The following HTR7 variants were observed in gnomAD, a reference collection of about 807,000 sequenced individuals.
HTR7 encodes the protein 5-hydroxytryptamine receptor 7, also known as 5-HT-7.
Under a neutral mutation model 34.0 loss-of-function variants are expected in HTR7, and 16 were observed. That is an observed-to-expected ratio of 0.47 (90% CI 0.32 to 0.71). The LOEUF (loss-of-function observed/expected upper bound fraction) is 0.71, where lower values mean the gene tolerates loss of function less well. Among genes scored for constraint, HTR7 ranks in the 30% least tolerant of loss-of-function variants. HTR7 has a pLI of 0.04. For synonymous variants in HTR7, 265 were observed against 260.2 expected, an observed-to-expected ratio of 1.02 and a Z score of -0.18; for missense variants, 504 against 625.5, an observed-to-expected ratio of 0.81 and a Z score of 2.07.
chr10:90,791,447 C>A (rs1157081232), intron 1 of HTR7, among the ~76,000 whole-genome samples: 1 of 151,882 alleles, frequency 6.6e-6, no homozygotes. Flanking sequence ...GAACAGAATT[C>A]AACAAGAGGA....
At chr10:90,803,004 T>TC (rs1845653213) in intron 1 of HTR7, among the ~76,000 whole-genome samples, 2 of 148,884 alleles carry the variant, frequency 1.3e-5, no homozygotes, top group Non-Finnish European at 3.0e-5. Context: ...GCCTTTTTTT[T>TC]TTTTTTTTTT....
At chr10:90,827,553 T>G (rs1846097118) in intron 1 of HTR7, among the ~76,000 whole-genome samples, 1 of 151,036 alleles carries the variant, frequency 6.6e-6, no homozygotes, top group Non-Finnish European at 1.5e-5. Flanking sequence ...TCTAAGCAAG[T>G]GAAAACCAAA....
At chr10:90,761,256 T>C (rs1844929457) in intron 1 of HTR7, among the ~76,000 whole-genome samples, 1 of 152,182 alleles carries the variant, frequency 6.6e-6, no homozygotes, top group Admixed American at 6.5e-5. Context: ...TTTTTTATAA[T>C]TGAATTTTCA....
intron 1 of HTR7, among the ~76,000 whole-genome samples, chr10:90,808,590 C>T (rs1237268367): frequency 6.6e-6 from 1 of 152,094 alleles, no homozygotes; most frequent in Non-Finnish European, 1.5e-5. Context: ...ATGCCCCGAC[C>T]TTGTATCTCT....
chr10:90,746,630 G>C (rs565430543), intron 2 of HTR7, among the ~76,000 whole-genome samples: 118 of 152,300 alleles, frequency 7.7e-4, no homozygotes, highest in Non-Finnish European at 1.4e-3. Flanking sequence ...CTAGGAAATA[G>C]TCACTTTCAG....
intron 1 of HTR7, among the ~76,000 whole-genome samples, chr10:90,806,717 T>C (rs756743668): frequency 2.2e-4 from 34 of 152,176 alleles, no homozygotes; most frequent in Non-Finnish European, 5.9e-5. Context: ...GTTCACAAGA[T>C]ACATGAGGAA....
intron 1 of HTR7, among the ~76,000 whole-genome samples, chr10:90,809,749 T>G (rs958492659): frequency 1.3e-5 from 2 of 152,186 alleles, no homozygotes; most frequent in African/African-American, 4.8e-5. Context: ...CAGCCCAGGA[T>G]TCCTCCTAAG....
chr10:90,808,992 A>G (rs1279027405), intron 1 of HTR7, among the ~76,000 whole-genome samples: 1 of 151,996 alleles, frequency 6.6e-6, no homozygotes, highest in African/African-American at 2.4e-5. Context: ...CTCTGTTCCC[A>G]ATGCAACTCG....
intron 3 of HTR7, 124 bp from the exon 4 acceptor site, chr10:90,742,652 A>C: frequency 1.6e-6 from 1 of 609,350 alleles, no homozygotes; most frequent in East Asian, 2.8e-5. Context: ...GTGGCTTTTA[A>C]GGGATTATGA....
intron 1 of HTR7, among the ~76,000 whole-genome samples, chr10:90,821,127 C>T (rs11186321): frequency 2.0e-5 from 2 of 101,896 alleles, no homozygotes; most frequent in African/African-American, 1.3e-4. Context: ...CAAACACACA[C>T]ACACATGCAC....
Position 90,857,573 on chromosome 10 carries a change from G to A in HTR7, c.99C>T (p.Pro33=). The change falls in exon 1 of 4, where the codon CCC becomes CCT. Residue 33 remains proline (P), a synonymous_variant. Transcript: ENST00000336152. The surrounding 1 kb of genome is among the most constrained non-coding windows in gnomAD (Gnocchi z 6.5). The part of the protein sequence containing the change: ...EVGRGLPDLS[P]DGGADPVAGS... The stretch of plus-strand genomic sequence containing the variant: ...CCGCGACCGGGTCGGCGCCACCGTC[G>A]GGGCTCAAGTCGGGCAGCCCGCGCC... The A allele has an allele frequency of 6.3e-7, 1 of 1,595,432 alleles. No homozygotes were observed. Among genetic ancestry groups the A allele is most frequent in the Non-Finnish European group, 8.5e-7 (1 of 1,172,632 alleles).
chr10:90,847,118 C>T lies in HTR7; in HGVS notation c.539+10015G>A, dbSNP rs115438355. Among the ~76,000 whole-genome samples the T allele has an allele frequency of 8.0e-3, 1,224 of 152,260 alleles. 25 individuals carry two copies. The highest frequency in any genetic ancestry group is 0.028 in the African/African-American group (1,162 of 41,544). ...ACAATATTTGAACAAGCTTTGAACA[C>T]AAGTTCCATCCATACAAACTGTATG... On this transcript the variant is annotated intron_variant, in intron 1 of 3. Coordinates refer to ENST00000336152, the MANE Select transcript of HTR7 (RefSeq NM_019859.4).
At chr10:90,817,031 C>T (rs1446949385) in intron 1 of HTR7, among the ~76,000 whole-genome samples, 1 of 152,176 alleles carries the variant, frequency 6.6e-6, no homozygotes, top group East Asian at 1.9e-4. Flanking sequence ...AGGGCCCCAC[C>T]AAGGGACAGG....
rs1845640825 is a variant in HTR7 at position 90,802,371 on chromosome 10, G to T, written c.540-52777C>A. ...GACTTAAAAGTTCCATCCCTCCGGG[G>T]CTTTTGCAGTCTTTCGCTGGCTTAA... On this transcript the variant is annotated intron_variant, in intron 1 of 3. Coordinates refer to ENST00000336152, the MANE Select transcript of HTR7 (RefSeq NM_019859.4). 3.3e-5 allele frequency among the ~76,000 whole-genome samples: 5 copies of T among 152,190 alleles called. No homozygotes were observed. The South Asian group carries it at 1.0e-3, about 32-fold the overall frequency.
In HTR7 at chr10:90,833,087, A is replaced by T. The variant is rs116446388; in HGVS notation, c.539+24046T>A. Among the ~76,000 whole-genome samples the T allele has an allele frequency of 2.6e-3, 395 of 152,292 alleles. 1 individual carries two copies. Among genetic ancestry groups the T allele is most frequent in the African/African-American group, 8.9e-3 (371 of 41,554 alleles). ...AGCACAGGTCCCTTCCAGTTTTAAC[A>T]TTCTCTGGTAGTTGTGAGGATAGCT... On this transcript the variant is annotated intron_variant, in intron 1 of 3. Transcript: ENST00000336152.
chr10:90,802,192 G>A (rs960048346), intron 1 of HTR7, among the ~76,000 whole-genome samples: 18 of 152,158 alleles, frequency 1.2e-4, no homozygotes, highest in Non-Finnish European at 2.5e-4. Flanking sequence ...CTTGTTTTAT[G>A]TGCTTGGGTT....
At chr10:90,795,705 A>G (rs1042842658) in intron 1 of HTR7, among the ~76,000 whole-genome samples, 4 of 152,198 alleles carry the variant, frequency 2.6e-5, no homozygotes, top group Non-Finnish European at 5.9e-5. Flanking sequence ...AGGAGGTCCT[A>G]ATGACATGTG....
At chr10:90,791,754 A>G (rs1845463565) in intron 1 of HTR7, among the ~76,000 whole-genome samples, 1 of 152,184 alleles carries the variant, frequency 6.6e-6, no homozygotes, top group Non-Finnish European at 1.5e-5. Context: ...AGTAAGTTGA[A>G]GCTGAATAAT....
rs1486307438 is a variant in HTR7 at position 90,858,036 on chromosome 10, G to A, written c.-365C>T. On this transcript the variant is annotated 5_prime_UTR_variant, in exon 1 of 4. Transcript: ENST00000336152. ...GGGCGGCAGCGGCAGAAGTTGCGGA[G>A]TGCGCCCCGCCCCTCGCGCCCGCCG... 3.5e-5 allele frequency among the ~76,000 whole-genome samples: 5 copies of A among 144,650 alleles called. No individual in the cohort carries two copies. Among genetic ancestry groups the A allele is most frequent in the Non-Finnish European group, 7.6e-5 (5 of 66,050 alleles). The allele number at this position is 144,650 out of a possible 152,430, so 94.9% of individuals were successfully genotyped here. A position where few individuals can be genotyped will look rare whatever the true frequency, so the allele number is the denominator to read the frequency against.
Sources: allele counts gnomAD v4.1 joint callset (sites outside exome capture counted in the v4.1 genomes callset), GRCh38; gene constraint gnomAD v4.1.1; non-coding constraint Gnocchi (gnomAD v3.1); transcripts MANE v1.5; gene names NCBI Gene and HGNC (gene_info 2026-07-23, HGNC 2026-07-21).